DENND2D: variants seen among roughly 807,000 people sequenced by gnomAD.
DENND2D encodes the protein DENN domain containing 2D, also known as DENN domain-containing protein 2D.
Under a neutral mutation model 59.8 loss-of-function variants are expected in DENND2D, and 37 were observed. The observed-to-expected ratio is 0.62, with a 90% confidence interval of 0.48 to 0.81. The LOEUF is 0.81. Among genes scored for constraint, DENND2D ranks in the 40% least tolerant of loss-of-function variants. The probability of loss-of-function intolerance (pLI) is 0.00; values close to 1 mark genes in which losing one functional copy is unlikely to be tolerated. For synonymous variants in DENND2D, 219 were observed against 211.3 expected (o/e 1.04, Z -0.31); for missense variants, 525 against 579.7 (o/e 0.91, Z 0.97).
Position 111,198,624 on chromosome 1 carries a change from A to G in DENND2D, c.356+6T>C. ...CCAATACCCTTGCCCAGGGCTGAGC[A>G]ATTACCTGGGATACTCGGTGAGTGA... On this transcript the variant is annotated splice_donor_region_variant and intron_variant, in intron 3 of 11. Transcript: ENST00000357640. The G allele has an allele frequency of 6.2e-7, 1 of 1,613,602 alleles. No individual in the cohort carries two copies. The highest frequency in any genetic ancestry group is 8.5e-7 in the Non-Finnish European group (1 of 1,179,544).
intron 11 of DENND2D, 108 bp downstream of exon 11, chr1:111,188,023 C>T: frequency 1.4e-6 from 2 of 1,454,322 alleles, no homozygotes; most frequent in East Asian, 2.3e-5. Flanking sequence ...AAAAGTCTAC[C>T]TACAGCTATT....
At chr1:111,188,492 A>G in intron 10 of DENND2D, 122 bp from the exon 11 acceptor site, 2 of 1,403,144 alleles carry the variant, frequency 1.4e-6, no homozygotes, top group Non-Finnish European at 1.9e-6. Context: ...GGTAGGGTTC[A>G]TAATTACTGA....
At position 111,187,458 on chromosome 1, in the gene DENND2D, A is replaced by G; in HGVS notation, c.*147T>C. On this transcript the variant is annotated 3_prime_UTR_variant, in exon 12 of 12. Transcript: ENST00000357640. ...AATACCAGGGATCCAAATCTCAGACACCAGTTTGAAGCAATACCTGGATAC... is the reference window on the plus strand; with the variant it reads ...AATACCAGGGATCCAAATCTCAGACGCCAGTTTGAAGCAATACCTGGATAC... 1.5e-6 allele frequency: 1 copy of G among 650,910 alleles called. No individual in the cohort carries two copies. The highest frequency in any genetic ancestry group is 2.7e-5 in the Admixed American group (1 of 36,970). The allele number at this position is 650,910 out of a possible 1,614,324, so 40.3% of individuals were successfully genotyped here.
rs563456033 is a variant in DENND2D, at chr1:111,200,043, G to A, written c.68-245C>T. 3.3e-4 allele frequency: 197 copies of A among 598,216 alleles called. 1 individual carries two copies. The highest frequency in any genetic ancestry group is 1.3e-3 in the African/African-American group (68 of 54,016). 37.1% of individuals were successfully genotyped at this position (598,216 alleles called of 1,614,324 possible). On this transcript the variant is annotated intron_variant, in intron 1 of 11. Transcript: ENST00000357640. Reference sequence around the variant, plus strand: ...AAGAAACCACTGACACAGAAGCCACGGAAATGTGCTGGAGAGGCCACATGG... The same window carrying A: ...AAGAAACCACTGACACAGAAGCCACAGAAATGTGCTGGAGAGGCCACATGG...
chr1:111,200,918 C>T (rs28364796), upstream of DENND2D: 15,289 of 190,246 alleles, frequency 0.08, 991 homozygotes, highest in East Asian at 0.32. Context: ...TGGAAACCGG[C>T]TGGTCTCAGG....
chr1:111,200,140 G>T, intron 1 of DENND2D: 1 of 574,594 alleles, frequency 1.7e-6, no homozygotes, highest in South Asian at 2.1e-5. Flanking sequence ...GGAACAATAT[G>T]GCCTGAGAGT....
upstream of DENND2D, among the ~76,000 whole-genome samples, chr1:111,201,946 C>A (rs962303957): frequency 2.6e-5 from 4 of 152,190 alleles, no homozygotes; most frequent in African/African-American, 9.7e-5. Context: ...GTTGCACAAG[C>A]CTTACCACCT....
Position 111,195,979 on chromosome 1 carries a change from T to C in DENND2D, c.582A>G (p.Ala194=), listed in dbSNP as rs1658189358. The change falls in exon 6 of 12, where the codon GCA becomes GCG. Residue 194 remains alanine (A), a synonymous_variant. Transcript: ENST00000357640. ...CAGTCTTCCCAGGAGCAGGGAAGGCTGCCTCTCGGAGGCCCTGCATGAACG... is the reference window on the plus strand; with the variant it reads ...CAGTCTTCCCAGGAGCAGGGAAGGCCGCCTCTCGGAGGCCCTGCATGAACG... ...IYPFMQGLRE[A]AFPAPGKTVT... 1 of 1,613,954 alleles carries C rather than the reference T, an allele frequency of 6.2e-7. No homozygotes were observed. Among genetic ancestry groups the C allele is most frequent in the Non-Finnish European group, 8.5e-7 (1 of 1,180,024 alleles).
At chr1:111,196,236 C>T in intron 5 of DENND2D, 180 bp from the exon 6 acceptor site, 1 of 637,882 alleles carries the variant, frequency 1.6e-6, no homozygotes, top group Non-Finnish European at 2.5e-6. Flanking sequence ...TGGGCTCATG[C>T]TAAATAATCT....
At chr1:111,197,099 A>T in intron 5 of DENND2D, 77 bp downstream of exon 5, 2 of 1,484,908 alleles carry the variant, frequency 1.3e-6, no homozygotes, top group Non-Finnish European at 9.2e-7. Context: ...CTCCACTAAG[A>T]GCTTAGTTGC....
chr1:111,192,701 G>A (rs571151047), intron 7 of DENND2D, among the ~76,000 whole-genome samples: 2 of 152,310 alleles, frequency 1.3e-5, no homozygotes, highest in East Asian at 3.9e-4. Flanking sequence ...CACAGATGTG[G>A]ATACCAGGAA....
chr1:111,190,678 C>T (rs1657688153), intron 8 of DENND2D, among the ~76,000 whole-genome samples: 1 of 152,244 alleles, frequency 6.6e-6, no homozygotes. Flanking sequence ...TAAATGCCCG[C>T]TGGGCCTCTC....
chr1:111,202,771 G>A (rs1807389), upstream of DENND2D, among the ~76,000 whole-genome samples: 47,523 of 151,606 alleles, frequency 0.31, 8,899 homozygotes, highest in African/African-American at 0.53. Flanking sequence ...AGGCAAAGGA[G>A]GAAGGGGGAG....
At chr1:111,194,177 A>G (rs1432127167) in intron 7 of DENND2D, among the ~76,000 whole-genome samples, 2 of 152,166 alleles carry the variant, frequency 1.3e-5, no homozygotes, top group Admixed American at 6.5e-5. Flanking sequence ...TATCTTCCCA[A>G]TGCTTGGCAT....
At chr1:111,195,044 C>T (rs1056430635) in intron 6 of DENND2D, 6 of 336,434 alleles carry the variant, frequency 1.8e-5, no homozygotes, top group Non-Finnish European at 3.3e-5. Flanking sequence ...CCTCCTCCTG[C>T]ACTGCTCTGC....
intron 3 of DENND2D, 116 bp downstream of exon 3, chr1:111,198,514 A>G: frequency 1.0e-6 from 1 of 998,714 alleles, no homozygotes; most frequent in South Asian, 1.4e-5. Context: ...AATCAATTAC[A>G]CTCCCAGGCC....
upstream of DENND2D, chr1:111,202,445 C>T (rs1000733615): frequency 1.3e-5 from 2 of 152,114 alleles, no homozygotes; most frequent in Non-Finnish European, 2.9e-5. Context: ...TCTCCAGTGC[C>T]CTAGAAAGGA....
Position 111,200,627 on chromosome 1 carries a change from T to C in DENND2D, c.-168A>G. 2.1e-6 allele frequency: 3 copies of C among 1,416,528 alleles called. No homozygotes were observed. The highest frequency in any genetic ancestry group is 2.8e-6 in the Non-Finnish European group (3 of 1,074,208). The allele number at this position is 1,416,528 out of a possible 1,614,324, so 87.7% of individuals were successfully genotyped here. On this transcript the variant is annotated 5_prime_UTR_variant, in exon 1 of 12. Coordinates refer to ENST00000357640, the MANE Select transcript of DENND2D (RefSeq NM_024901.5). ...AGAAGTTTCCATCCTGTGCACCCAGTGGTTGAGCAAGAAGGATGTGACGGG... is the reference window on the plus strand; with the variant it reads ...AGAAGTTTCCATCCTGTGCACCCAGCGGTTGAGCAAGAAGGATGTGACGGG...
At chr1:111,198,036 T>C (rs750939227) in intron 3 of DENND2D, 47 bp from the exon 4 acceptor site, 1 of 1,593,132 alleles carries the variant, frequency 6.3e-7, no homozygotes, top group South Asian at 1.1e-5. Flanking sequence ...CACTGAATCC[T>C]AAAACAGGAA....
Sources: gnomAD v4.1 joint callset for allele counts (sites outside exome capture counted in the v4.1 genomes callset) on GRCh38, gnomAD v4.1.1 for gene constraint, MANE v1.5 for transcripts, NCBI Gene and HGNC (gene_info 2026-07-23, HGNC 2026-07-21) for gene names.